The following KLHL29 variants were observed in gnomAD, a reference collection of about 807,000 sequenced individuals.
KLHL29 encodes kelch-like protein 29.
In KLHL29, 21 loss-of-function variants were observed where a neutral mutation model predicts 80.4. The observed-to-expected ratio is 0.26, with a 90% confidence interval of 0.19 to 0.38. KLHL29 has a LOEUF of 0.38. Among genes scored for constraint, KLHL29 ranks in the 10% least tolerant of loss-of-function variants. The pLI is 1.00. For synonymous variants in KLHL29, 511 were observed against 526.8 expected (o/e 0.97, Z 0.41); for missense variants, 867 against 1,223.9 (o/e 0.71, Z 4.35).
intron 1 of KLHL29, among the ~76,000 whole-genome samples, chr2:23,446,282 A>G (rs1013964840): frequency 1.8e-4 from 28 of 152,056 alleles, no homozygotes; most frequent in African/African-American, 6.5e-4. Context: ...CTTTCCCCCA[A>G]AGGTTTGAGA....
intron 2 of KLHL29, among the ~76,000 whole-genome samples, chr2:23,545,118 G>T (rs1666949307): frequency 6.6e-6 from 1 of 152,178 alleles, no homozygotes; most frequent in Non-Finnish European, 1.5e-5. Context: ...GACGTGGGAA[G>T]AAGTGGTTGG....
intron 6 of KLHL29, chr2:23,690,009 GCCCCTT>G (rs1330142115): frequency 1.2e-4 from 18 of 152,438 alleles, no homozygotes; most frequent in African/African-American, 4.1e-4. Flanking sequence ...GGAGGCAGAG[GCCCCTT>G]GGGGTCCTGG....
At chr2:23,515,450 T>A (rs1665891656) in intron 2 of KLHL29, among the ~76,000 whole-genome samples, 1 of 152,246 alleles carries the variant, frequency 6.6e-6, no homozygotes, top group Admixed American at 6.5e-5. Flanking sequence ...GAGACTTGGC[T>A]CAGGCACCAC....
intron 1 of KLHL29, among the ~76,000 whole-genome samples, chr2:23,446,250 G>A (rs1234182768): frequency 7.0e-6 from 1 of 142,726 alleles, no homozygotes; most frequent in Admixed American, 7.0e-5. Context: ...ATCCAGTTTT[G>A]TTTTTCCAAA....
At chr2:23,447,254 GTTT>G (rs1208346804) in intron 1 of KLHL29, among the ~76,000 whole-genome samples, 1 of 152,188 alleles carries the variant, frequency 6.6e-6, no homozygotes. Flanking sequence ...CCAGTCACTT[GTTT>G]TTGTACATGA....
intron 1 of KLHL29, among the ~76,000 whole-genome samples, chr2:23,442,971 A>G (rs957968278): frequency 1.6e-4 from 25 of 152,060 alleles, no homozygotes; most frequent in Admixed American, 1.6e-3. Flanking sequence ...TATGCTTCCC[A>G]CTGGTTCCAA....
chr2:23,404,609 T>C (rs1009007090), intron 1 of KLHL29, among the ~76,000 whole-genome samples: 2 of 152,224 alleles, frequency 1.3e-5, no homozygotes, highest in Admixed American at 1.3e-4. Flanking sequence ...CGATTTGTTT[T>C]CTAAAGGGAA....
intron 1 of KLHL29, among the ~76,000 whole-genome samples, chr2:23,436,967 C>T (rs931234463): frequency 2.0e-5 from 3 of 152,136 alleles, no homozygotes; most frequent in East Asian, 3.8e-4. Flanking sequence ...GTAATGAAAC[C>T]GAAAACACAA....
chr2:23,696,447 T>C lies in KLHL29; in HGVS notation c.2039T>C (p.Val680Ala). ...TVPRCRHNSLVYDGKIYTLGG... is the reference protein window; with the variant it reads ...TVPRCRHNSLAYDGKIYTLGG... Reference sequence around the variant, plus strand: ...CCCCGCTGTCGGCACAATAGCCTCGTCTACGATGGGAAGATTTACACCCTC... The same window carrying C: ...CCCCGCTGTCGGCACAATAGCCTCGCCTACGATGGGAAGATTTACACCCTC... The change falls in exon 11 of 14, where the codon GTC becomes GCC. Residue 680 changes from valine to alanine, a missense_variant. Physicochemically the swap from Val to Ala is moderately conservative, Grantham distance 64 (BLOSUM62 0). This residue lies in a region of KLHL29 where 443 missense variants were observed against 767.0 expected (regional missense o/e 0.58). Coordinates refer to ENST00000486442, the MANE Select transcript of KLHL29 (RefSeq NM_052920.2). This position sits in a 1 kb window ranked among gnomAD's most constrained non-coding sequence, Gnocchi z 5.5. The C allele has an allele frequency of 6.4e-7, 1 of 1,550,934 alleles. No homozygotes were observed. The highest frequency in any genetic ancestry group is 1.2e-5 in the South Asian group (1 of 83,976).
intron 2 of KLHL29, among the ~76,000 whole-genome samples, chr2:23,561,674 G>C (rs1336641041): frequency 6.6e-6 from 1 of 152,190 alleles, no homozygotes; most frequent in Non-Finnish European, 1.5e-5. Context: ...CCGCCTCACA[G>C]GCTACTGTAG....
intron 3 of KLHL29, among the ~76,000 whole-genome samples, chr2:23,638,188 T>C (rs573227249): frequency 2.0e-5 from 3 of 152,182 alleles, no homozygotes; most frequent in Non-Finnish European, 4.4e-5. Context: ...ATTTTGGTCA[T>C]TTCCCTCCTA....
At chr2:23,471,827 A>G (rs1354066108) in intron 1 of KLHL29, among the ~76,000 whole-genome samples, 1 of 152,200 alleles carries the variant, frequency 6.6e-6, no homozygotes, top group Non-Finnish European at 1.5e-5. Context: ...TCCTGGGTTC[A>G]TTCCTGGGAT....
At chr2:23,385,996 A>G (rs1234361374) in intron 1 of KLHL29, among the ~76,000 whole-genome samples, 1 of 150,210 alleles carries the variant, frequency 6.7e-6, no homozygotes, top group Non-Finnish European at 1.5e-5. Flanking sequence ...TCCAGGGGGA[A>G]AAAAAGGGGG....
chr2:23,645,019 G>T (rs1669881788), intron 5 of KLHL29, among the ~76,000 whole-genome samples: 1 of 152,176 alleles, frequency 6.6e-6, no homozygotes, highest in South Asian at 2.1e-4. Flanking sequence ...TCTATTTACG[G>T]CCTCATCAGC....
rs375648439 is a variant in KLHL29 at position 23,622,927 on chromosome 2, A to G, written c.286-16212A>G. Among the ~76,000 whole-genome samples, 74 of 152,292 alleles carry G rather than the reference A, an allele frequency of 4.9e-4. No individual in the cohort carries two copies. The South Asian group carries it at 0.015, about 30-fold the overall frequency. On this transcript the variant is annotated intron_variant, in intron 3 of 13. Coordinates refer to ENST00000486442, the MANE Select transcript of KLHL29 (RefSeq NM_052920.2). ...GAGCTTGCTTGGCTTTCCTTACTTG[A>G]AAGTGGCAGAACTTGGATTTGAACC...
At chr2:23,484,870 A>G (rs1214514040) in intron 2 of KLHL29, among the ~76,000 whole-genome samples, 3 of 152,122 alleles carry the variant, frequency 2.0e-5, no homozygotes, top group Non-Finnish European at 4.4e-5. Context: ...CTGAGTGTTC[A>G]TATCCCACCT....
At chr2:23,428,811 C>T (rs1257784846) in intron 1 of KLHL29, among the ~76,000 whole-genome samples, 3 of 152,296 alleles carry the variant, frequency 2.0e-5, no homozygotes, top group African/African-American at 7.2e-5. Flanking sequence ...GCCGTTGGCT[C>T]CCCCAACAGA....
At chr2:23,405,825 G>C (rs562276684) in intron 1 of KLHL29, among the ~76,000 whole-genome samples, 1 of 152,292 alleles carries the variant, frequency 6.6e-6, no homozygotes, top group Admixed American at 6.5e-5. Flanking sequence ...CAAGCAGAAT[G>C]GGCTGGGCAA....
chr2:23,593,637 C>T (rs1182136671), intron 3 of KLHL29, among the ~76,000 whole-genome samples: 1 of 152,162 alleles, frequency 6.6e-6, no homozygotes, highest in Admixed American at 6.5e-5. Flanking sequence ...CCTCGGGGAA[C>T]GTGGGGTCAG....
Sources: gnomAD v4.1 joint callset for allele counts (sites outside exome capture counted in the v4.1 genomes callset) on GRCh38, gnomAD v4.1.1 for gene constraint, gnomAD v4.1.1 regional missense constraint, Gnocchi (gnomAD v3.1) non-coding constraint, MANE v1.5 for transcripts, NCBI Gene and HGNC (gene_info 2026-07-23, HGNC 2026-07-21) for gene names.